Variants in CSMD1 observed in about 807,000 individuals in gnomAD.
CSMD1 encodes the protein CUB and sushi domain-containing protein 1.
A neutral mutation model predicts 417.5 loss-of-function variants in CSMD1; 213 were observed. That is an observed-to-expected ratio of 0.51 (90% CI 0.46 to 0.57). The LOEUF is 0.57. CSMD1 is among the 20% of genes least tolerant of loss of function. CSMD1 has a pLI of 0.00. For missense variants in CSMD1, 6,923 were observed against 4,529.7 expected (o/e 1.53, Z -15.17); for synonymous variants, 2,862 against 1,736.8 (o/e 1.65, Z -16.11).
chr8:3,027,404 G>A (rs1472214538), intron 51 of CSMD1, among the ~76,000 whole-genome samples: 1 of 152,136 alleles, frequency 6.6e-6, no homozygotes, highest in Non-Finnish European at 1.5e-5. Flanking sequence ...AGAAAACAAG[G>A]ACCATTTCAG....
At chr8:3,515,457 G>A (rs1239232254) in intron 10 of CSMD1, 1 of 152,062 alleles carries the variant, frequency 6.6e-6, no homozygotes, top group East Asian at 1.9e-4. Context: ...TTGCAAGAGA[G>A]GAATACACAC....
intron 1 of CSMD1, among the ~76,000 whole-genome samples, chr8:4,965,309 A>T (rs889266444): frequency 2.0e-5 from 3 of 152,244 alleles, no homozygotes; most frequent in Non-Finnish European, 4.4e-5. Flanking sequence ...CATAGTTGCA[A>T]ATGCTTTACA....
At chr8:4,670,186 C>A (rs1016113522) in intron 1 of CSMD1, among the ~76,000 whole-genome samples, 9 of 152,130 alleles carry the variant, frequency 5.9e-5, no homozygotes, top group Admixed American at 4.6e-4. Flanking sequence ...AAACTAAAGT[C>A]CCTCCATGTA....
At chr8:4,537,471 G>C (rs892481588) in intron 2 of CSMD1, among the ~76,000 whole-genome samples, 2 of 151,996 alleles carry the variant, frequency 1.3e-5, no homozygotes, top group African/African-American at 4.8e-5. Context: ...ATTGCTATAA[G>C]GCTAATAGTC....
Position 3,126,596 on chromosome 8 carries a change from G to A in CSMD1, c.6242-8009C>T, listed in dbSNP as rs531596328. Among the ~76,000 whole-genome samples the A allele has an allele frequency of 4.6e-5, 7 of 152,282 alleles. No homozygotes were observed. In the East Asian group the frequency reaches 1.2e-3, roughly 25 times the overall value. ...ATTTCCCAAGTGCACACATACAGAA[G>A]CTCACCAATTTCCCATATCTATCGG... On this transcript the variant is annotated intron_variant, in intron 41 of 69. Coordinates refer to ENST00000635120, the MANE Select transcript of CSMD1 (RefSeq NM_033225.6).
At chr8:3,853,889 T>TTAAAG (rs1324714531) in intron 5 of CSMD1, among the ~76,000 whole-genome samples, 2 of 144,904 alleles carry the variant, frequency 1.4e-5, no homozygotes, top group East Asian at 2.0e-4. Flanking sequence ...TATTAATATA[T>TTAAAG]TATACTTTAA....
chr8:3,626,805 G>C (rs1191534936), intron 7 of CSMD1, among the ~76,000 whole-genome samples: 1 of 149,274 alleles, frequency 6.7e-6, no homozygotes, highest in Non-Finnish European at 1.5e-5. Context: ...TTAATACTAT[G>C]TATACTAAAT....
At chr8:3,982,996 G>T (rs1043993375) in intron 5 of CSMD1, among the ~76,000 whole-genome samples, 1 of 152,150 alleles carries the variant, frequency 6.6e-6, no homozygotes, top group Non-Finnish European at 1.5e-5. Flanking sequence ...CCTAGAGCTA[G>T]TTAGTAGCCC....
chr8:3,504,133 G>A (rs1285928028), intron 10 of CSMD1, among the ~76,000 whole-genome samples: 7 of 152,138 alleles, frequency 4.6e-5, no homozygotes, highest in East Asian at 1.9e-4. Flanking sequence ...AATGTTTGAA[G>A]TGATGAATAT....
intron 3 of CSMD1, among the ~76,000 whole-genome samples, chr8:4,235,705 T>C (rs1330634611): frequency 6.6e-6 from 1 of 152,234 alleles, no homozygotes. Context: ...ATTTTATTTA[T>C]TCTTGTGATA....
At chr8:3,750,730 G>A (rs548975674) in intron 6 of CSMD1, among the ~76,000 whole-genome samples, 40 of 152,266 alleles carry the variant, frequency 2.6e-4, no homozygotes, top group African/African-American at 7.2e-4. Context: ...CAAAAAACCA[G>A]GACAGCCCCG....
intron 46 of CSMD1, among the ~76,000 whole-genome samples, chr8:3,103,939 C>T (rs1393072633): frequency 1.3e-5 from 2 of 151,846 alleles, no homozygotes; most frequent in Non-Finnish European, 2.9e-5. Flanking sequence ...CACGGGGTTT[C>T]TTCATGTTGG....
chr8:3,980,235 G>C (rs1231774940), intron 5 of CSMD1, among the ~76,000 whole-genome samples: 1 of 152,214 alleles, frequency 6.6e-6, no homozygotes, highest in African/African-American at 2.4e-5. Context: ...CATTGGCATA[G>C]ATGGGAACTT....
intron 7 of CSMD1, among the ~76,000 whole-genome samples, chr8:3,619,134 A>G (rs555265943): frequency 6.6e-6 from 1 of 152,306 alleles, no homozygotes; most frequent in South Asian, 2.1e-4. Flanking sequence ...GGTCCCAATG[A>G]GAAGATGAGG....
At chr8:3,247,319 G>T (rs560691453) in intron 26 of CSMD1, among the ~76,000 whole-genome samples, 1 of 152,142 alleles carries the variant, frequency 6.6e-6, no homozygotes, top group African/African-American at 2.4e-5. Context: ...CTACCTGGAC[G>T]CAGACTCCTC....
intron 25 of CSMD1, 135 bp downstream of exon 25, chr8:3,307,560 T>C (rs906174988): frequency 3.5e-5 from 37 of 1,068,250 alleles, no homozygotes; most frequent in South Asian, 3.0e-4. Flanking sequence ...AACAAAACTT[T>C]TAGCTACAGC....
At chr8:3,987,261 A>G (rs945514975) in intron 5 of CSMD1, among the ~76,000 whole-genome samples, 1 of 152,164 alleles carries the variant, frequency 6.6e-6, no homozygotes, top group Non-Finnish European at 1.5e-5. Context: ...CAAAGGCTAC[A>G]CACAGCCCAG....
chr8:3,829,020 T>G (rs1188700399), intron 5 of CSMD1, among the ~76,000 whole-genome samples: 3 of 151,756 alleles, frequency 2.0e-5, no homozygotes, highest in African/African-American at 7.3e-5. Context: ...TCACCTTTCT[T>G]TTTTTTTAAA....
At position 4,844,970 on chromosome 8, in the gene CSMD1, T is replaced by C. The variant is rs140428840; in HGVS notation, c.85+149362A>G. Among the ~76,000 whole-genome samples, 404 of 152,336 alleles carry C rather than the reference T, an allele frequency of 2.7e-3. 2 individuals are homozygous for C. The highest frequency in any genetic ancestry group is 9.4e-3 in the African/African-American group (392 of 41,580). ...CAATTTGGCAGCTCATGAAGCTTAA[T>C]AATCAGACCTATAGCATTTTAAAAA... On this transcript the variant is annotated intron_variant, in intron 1 of 69. Transcript: ENST00000635120.
Sources: gnomAD v4.1 joint callset for allele counts (sites outside exome capture counted in the v4.1 genomes callset) on GRCh38, gnomAD v4.1.1 for gene constraint, MANE v1.5 for transcripts, NCBI Gene and HGNC (gene_info 2026-07-23, HGNC 2026-07-21) for gene names.